ANK3: variants seen among roughly 807,000 people sequenced by gnomAD.
ANK3 encodes ankyrin 3.
ANK3 carries 57 observed loss-of-function variants against 370.9 expected under a neutral mutation model. The ratio of observed to expected loss-of-function variants is 0.15; its 90% CI spans 0.12 to 0.19. The LOEUF is 0.19. Among genes scored for constraint, ANK3 ranks in the 10% least tolerant of loss-of-function variants. The pLI is 1.00. For missense variants in ANK3, 4,439 were observed against 5,302.1 expected, an observed-to-expected ratio of 0.84 and a Z score of 5.06; for synonymous variants, 1,929 against 1,946.3, an observed-to-expected ratio of 0.99 and a Z score of 0.23.
chr10:60,272,638 C>T (rs2098015328), intron 4 of ANK3, among the ~76,000 whole-genome samples: 1 of 152,080 alleles, frequency 6.6e-6, no homozygotes, highest in Admixed American at 6.6e-5. Flanking sequence ...TGCCACCTCG[C>T]CCGGCTAATT....
chr10:60,235,560 T>C, intron 7 of ANK3, among the ~76,000 whole-genome samples: 1 of 145,446 alleles, frequency 6.9e-6, no homozygotes, highest in African/African-American at 2.6e-5. Flanking sequence ...GTTTTTTTTT[T>C]TTTTTTTTTT....
At chr10:60,033,528 A>AC (rs1247334307) in intron 43 of ANK3, among the ~76,000 whole-genome samples, 3 of 148,594 alleles carry the variant, frequency 2.0e-5, no homozygotes, top group Non-Finnish European at 3.0e-5. Context: ...AAAAAAAAAA[A>AC]AAAAAAAAAA....
intron 1 of ANK3, among the ~76,000 whole-genome samples, chr10:60,715,466 A>G (rs1197021324): frequency 2.0e-5 from 3 of 152,146 alleles, no homozygotes; most frequent in African/African-American, 7.2e-5. Flanking sequence ...TACATAAGAA[A>G]TGAATTCATA....
intron 9 of ANK3, among the ~76,000 whole-genome samples, chr10:60,211,183 G>A (rs1225045366): frequency 1.3e-5 from 2 of 152,154 alleles, no homozygotes; most frequent in Non-Finnish European, 2.9e-5. Context: ...GTATGGAGCC[G>A]TCAGGTCTCC....
intron 1 of ANK3, among the ~76,000 whole-genome samples, chr10:60,345,659 A>G (rs2055286710): frequency 6.6e-6 from 1 of 152,130 alleles, no homozygotes; most frequent in Admixed American, 6.5e-5. Flanking sequence ...CATTCATCCA[A>G]CACATGTTTA....
At chr10:60,616,378 A>T (rs1288777889) in intron 1 of ANK3, among the ~76,000 whole-genome samples, 2 of 152,182 alleles carry the variant, frequency 1.3e-5, no homozygotes, top group East Asian at 3.8e-4. Context: ...TAGTCCTACC[A>T]TTAGAGGAAA....
intron 26 of ANK3, among the ~76,000 whole-genome samples, chr10:60,110,034 G>C (rs941306283): frequency 6.6e-6 from 1 of 152,002 alleles, no homozygotes; most frequent in African/African-American, 2.4e-5. Context: ...TTCCACGTAT[G>C]AAAATACACA....
At chr10:60,404,786 G>A (rs977266314) in intron 2 of ANK3, among the ~76,000 whole-genome samples, 8 of 152,100 alleles carry the variant, frequency 5.3e-5, no homozygotes, top group African/African-American at 1.7e-4. Context: ...AATAGGCCAC[G>A]AGTGGAAGAA....
At chr10:60,044,907 T>C (rs2076694312) in intron 42 of ANK3, 1 of 152,222 alleles carries the variant, frequency 6.6e-6, no homozygotes, top group Non-Finnish European at 1.5e-5. Flanking sequence ...GAAGACTGAA[T>C]CTTTCATAGC....
intron 2 of ANK3, among the ~76,000 whole-genome samples, chr10:60,569,484 G>C (rs115740107): frequency 2.0e-5 from 3 of 152,224 alleles, no homozygotes; most frequent in African/African-American, 7.2e-5. Context: ...ACTAGCATAA[G>C]TTGACATAAA....
At chr10:60,390,429 T>C (rs2062996153), upstream of ANK3, among the ~76,000 whole-genome samples, 1 of 152,138 alleles carries the variant, frequency 6.6e-6, no homozygotes, top group Non-Finnish European at 1.5e-5. Flanking sequence ...AATCAGTGTT[T>C]CTGAGTCACT....
At chr10:60,140,576 A>T in intron 23 of ANK3, 1 of 1,385,518 alleles carries the variant, frequency 7.2e-7, no homozygotes, top group Non-Finnish European at 9.3e-7. Context: ...GAGTTCGAAG[A>T]TTTTCAAAAT....
chr10:60,725,047 G>C (rs947749197), intron 1 of ANK3, among the ~76,000 whole-genome samples: 1 of 152,076 alleles, frequency 6.6e-6, no homozygotes, highest in African/African-American at 2.4e-5. Flanking sequence ...CCATTCTAAC[G>C]TGTTTAAGGA....
intron 2 of ANK3, among the ~76,000 whole-genome samples, chr10:60,396,356 T>C (rs570265257): frequency 1.3e-5 from 2 of 152,270 alleles, no homozygotes; most frequent in East Asian, 3.9e-4. Context: ...TCTATTAGGG[T>C]AGTAATTCTC....
At chr10:60,699,674 A>G (rs779566282) in intron 1 of ANK3, among the ~76,000 whole-genome samples, 9 of 152,204 alleles carry the variant, frequency 5.9e-5, no homozygotes, top group Non-Finnish European at 1.3e-4. Context: ...ATGTAATTCC[A>G]TACAGGAAGA....
chr10:60,092,788 T>C (rs1042600917), intron 28 of ANK3, among the ~76,000 whole-genome samples: 1 of 152,232 alleles, frequency 6.6e-6, no homozygotes, highest in Non-Finnish European at 1.5e-5. Context: ...TAGGCTGGAG[T>C]GCAGGGGCAT....
chr10:60,447,840 C>T (rs1394810202), intron 2 of ANK3, among the ~76,000 whole-genome samples: 1 of 152,216 alleles, frequency 6.6e-6, no homozygotes, highest in South Asian at 2.1e-4. Context: ...CTTAACCTTG[C>T]TGTGTCACTT....
chr10:60,443,997 G>C (rs1289541831), intron 2 of ANK3, among the ~76,000 whole-genome samples: 2 of 151,656 alleles, frequency 1.3e-5, no homozygotes, highest in African/African-American at 4.9e-5. Context: ...GTTAACCAGA[G>C]GCCCACCTCA....
In ANK3 at chr10:60,063,096, A is replaced by G; in HGVS notation, c.12595+15T>C. The G allele has an allele frequency of 1.2e-6, 2 of 1,604,758 alleles. No individual in the cohort carries two copies. Among genetic ancestry groups the G allele is most frequent in the Non-Finnish European group, 8.5e-7 (1 of 1,177,184 alleles). ...ATCAAATGATTAAATAAATATGAACACTAAATTCGATTACCATCAACAGGG... is the reference window on the plus strand; with the variant it reads ...ATCAAATGATTAAATAAATATGAACGCTAAATTCGATTACCATCAACAGGG... On this transcript the variant is annotated intron_variant, in intron 40 of 43. Transcript: ENST00000280772.
Sources: allele counts gnomAD v4.1 joint callset (sites outside exome capture counted in the v4.1 genomes callset), GRCh38; gene constraint gnomAD v4.1.1; transcripts MANE v1.5; gene names NCBI Gene and HGNC (gene_info 2026-07-23, HGNC 2026-07-21).